Variants in COL4A6 observed in about 807,000 individuals in gnomAD.
COL4A6 encodes the protein collagen type IV alpha 6 chain.
Under a neutral mutation model 126.7 loss-of-function variants are expected in COL4A6, and 59 were observed. That is an observed-to-expected ratio of 0.47 (90% CI 0.38 to 0.58). The LOEUF is 0.58. COL4A6 is among the 20% of genes least tolerant of loss of function. COL4A6 has a pLI of 0.00. For missense variants in COL4A6, 1,285 were observed against 1,337.3 expected, an observed-to-expected ratio of 0.96 and a Z score of 0.61; for synonymous variants, 547 against 496.6, an observed-to-expected ratio of 1.10 and a Z score of -1.35.
At position 108,159,478 on chromosome X, in the gene COL4A6, C is replaced by T; in HGVS notation, c.4796G>A (p.Gly1599Glu). ...GGACCTTACCATGAGGAAAGAGTAC[C>T]CAATCCAGAGGCTGCGCCAGCCCAG... is the stretch of plus-strand genomic sequence containing the variant. ...CPLGWRSLWI[G>E]YSFLMHTAAG... The change falls in exon 44 of 45, where the codon GGG becomes GAG. Residue 1599 changes from glycine to glutamate, a missense_variant. Gly to Glu is a moderately conservative substitution (Grantham distance 98). Coordinates refer to ENST00000334504, the MANE Select transcript of COL4A6 (RefSeq NM_033641.4). The T allele has an allele frequency of 8.3e-7, 1 of 1,211,942 alleles. No homozygotes were observed.
chrX:108,396,897 C>T (rs765283459), intron 2 of COL4A6, among the ~76,000 whole-genome samples: 1 of 111,893 alleles, frequency 8.9e-6, no homozygotes, highest in South Asian at 3.8e-4. Flanking sequence ...ACCACCAAGG[C>T]AAATGCTGAC....
chrX:108,415,174 C>T (rs2041411353), intron 2 of COL4A6, among the ~76,000 whole-genome samples: 1 of 112,156 alleles, frequency 8.9e-6, no homozygotes, highest in African/African-American at 3.2e-5. Flanking sequence ...ATATCTCTTT[C>T]CTACCTACAG....
At chrX:108,174,919 C>G (rs1244843096) in intron 30 of COL4A6, among the ~76,000 whole-genome samples, 171 bp downstream of exon 30, 1 of 111,722 alleles carries the variant, frequency 9.0e-6, no homozygotes, top group Admixed American at 9.4e-5. Context: ...GTCCAGGCAG[C>G]CTTCAGGCCC....
chrX:108,216,904 G>A (rs1342432477), intron 5 of COL4A6, among the ~76,000 whole-genome samples: 3 of 112,768 alleles, frequency 2.7e-5, no homozygotes, highest in African/African-American at 9.7e-5. Flanking sequence ...CATGGGGAAA[G>A]CTAAACATAA....
intron 37 of COL4A6, 52 bp from the exon 38 acceptor site, chrX:108,165,538 G>A (rs1175116997): frequency 2.3e-6 from 2 of 878,633 alleles, no homozygotes; most frequent in African/African-American, 2.0e-5. Flanking sequence ...CCCAGAAGAT[G>A]GCCAGGCTCT....
At chrX:108,217,383 T>C (rs1480920995) in intron 5 of COL4A6, among the ~76,000 whole-genome samples, 4 of 111,415 alleles carry the variant, frequency 3.6e-5, no homozygotes, top group Non-Finnish European at 7.5e-5. Context: ...GCCTATGGTG[T>C]CTGTGTTTTT....
intron 37 of COL4A6, 94 bp downstream of exon 37, chrX:108,169,401 C>T: frequency 9.0e-7 from 1 of 1,105,479 alleles, no homozygotes; most frequent in Non-Finnish European, 1.2e-6. Flanking sequence ...CACTCACAGC[C>T]CAACCCTGTG....
chrX:108,433,219 A>G (rs915483219), intron 2 of COL4A6, among the ~76,000 whole-genome samples: 4 of 112,153 alleles, frequency 3.6e-5, no homozygotes, highest in Non-Finnish European at 7.5e-5. Context: ...AACCCTAGGA[A>G]AGGGATAGAT....
upstream of COL4A6, chrX:108,439,239 T>C: frequency 3.4e-6 from 1 of 290,964 alleles, no homozygotes; most frequent in Non-Finnish European, 6.1e-6. Flanking sequence ...AACAGAGATA[T>C]AGCTGTATTA....
At chrX:108,324,193 G>T in intron 2 of COL4A6, among the ~76,000 whole-genome samples, 1 of 112,129 alleles carries the variant, frequency 8.9e-6, no homozygotes, top group South Asian at 3.7e-4. Context: ...CTGGCAGATT[G>T]TCTCCTCTGT....
chrX:108,190,343 C>T, intron 20 of COL4A6, 49 bp downstream of exon 20: 1 of 910,870 alleles, frequency 1.1e-6, no homozygotes, highest in Non-Finnish European at 1.6e-6. Flanking sequence ...CCCAGGAAGC[C>T]TTCTCTAAGG....
intron 43 of COL4A6, among the ~76,000 whole-genome samples, chrX:108,160,195 T>C (rs1289695563): frequency 8.9e-6 from 1 of 112,495 alleles, no homozygotes; most frequent in Non-Finnish European, 1.9e-5. Context: ...ATGCAATCTT[T>C]CCACCAGCGT....
In COL4A6 at chrX:108,179,269, T is replaced by A. The variant is rs748333839; in HGVS notation, c.2301A>T (p.Gly767=). The change falls in exon 26 of 45, where the codon GGA becomes GGT. Residue 767 remains glycine (G), a synonymous_variant. Coordinates refer to ENST00000334504, the MANE Select transcript of COL4A6 (RefSeq NM_033641.4). ...NGAPGEQGLQ[G]LTGHKGFLGD... ...CAAGAAATCCTTTGTGCCCTGTTAA[T>A]CCTTGTAGGCCTTGTTCCCCCGGAG... 1 of 1,209,650 alleles carries A rather than the reference T, an allele frequency of 8.3e-7. No individual in the cohort carries two copies. The highest frequency in any genetic ancestry group is 2.2e-5 in the Admixed American group (1 of 45,771).
At chrX:108,190,634 A>G in intron 19 of COL4A6, 138 bp from the exon 20 acceptor site, 1 of 400,423 alleles carries the variant, frequency 2.5e-6, no homozygotes, top group Non-Finnish European at 4.3e-6. Flanking sequence ...ATAAAATTCA[A>G]GACCGGGACC....
intron 3 of COL4A6, among the ~76,000 whole-genome samples, chrX:108,252,563 C>T (rs1284683289): frequency 4.5e-5 from 5 of 111,631 alleles, no homozygotes; most frequent in Non-Finnish European, 9.4e-5. Context: ...GATAGTGTCA[C>T]TGCTGAGTTC....
At chrX:108,202,345 C>A (rs947014115) in intron 13 of COL4A6, among the ~76,000 whole-genome samples, 3 of 111,760 alleles carry the variant, frequency 2.7e-5, no homozygotes, top group African/African-American at 9.8e-5. Context: ...AATGTAATCT[C>A]AAGGACAGGG....
intron 3 of COL4A6, among the ~76,000 whole-genome samples, chrX:108,304,869 A>C (rs1326524085): frequency 2.7e-5 from 3 of 111,713 alleles, no homozygotes; most frequent in Non-Finnish European, 3.8e-5. Context: ...AGCAGGGATT[A>C]CTCCCTCAAC....
chrX:108,373,890 C>T (rs2040380137), intron 2 of COL4A6, among the ~76,000 whole-genome samples: 1 of 112,324 alleles, frequency 8.9e-6, no homozygotes, highest in Non-Finnish European at 1.9e-5. Flanking sequence ...CCCAAAAGGC[C>T]TTAAAGATGC....
At chrX:108,233,535 A>C (rs1392669044) in intron 3 of COL4A6, among the ~76,000 whole-genome samples, 1 of 112,000 alleles carries the variant, frequency 8.9e-6, no homozygotes, top group Non-Finnish European at 1.9e-5. Flanking sequence ...GGGAGCTCTG[A>C]GATGGAAGGG....
Sources: allele counts gnomAD v4.1 joint callset (sites outside exome capture counted in the v4.1 genomes callset), GRCh38; gene constraint gnomAD v4.1.1; transcripts MANE v1.5; gene names NCBI Gene and HGNC (gene_info 2026-07-23, HGNC 2026-07-21).